Variants in GDAP1 observed in about 807,000 individuals in gnomAD.
GDAP1 encodes ganglioside-induced differentiation-associated protein 1.
GDAP1 carries 34 observed loss-of-function variants against 40.1 expected under a neutral mutation model. That is an observed-to-expected ratio of 0.85 (90% CI 0.64 to 1.13). The LOEUF (loss-of-function observed/expected upper bound fraction) is 1.13. GDAP1 is among the 50% of genes most tolerant of loss of function. The pLI is 0.00. For missense variants in GDAP1, 374 were observed against 433.7 expected (o/e 0.86, Z 1.22); for synonymous variants, 170 against 157.4 (o/e 1.08, Z -0.60).
In GDAP1 at chr8:74,441,964, T is replaced by A. The variant is rs184767716; in HGVS notation, c.166-46714T>A. 4.8e-3 allele frequency among the ~76,000 whole-genome samples: 727 copies of A among 152,300 alleles called. 4 individuals carry two copies. Among genetic ancestry groups the A allele is most frequent in the African/African-American group, 0.017 (694 of 41,574 alleles). On this transcript the variant is annotated intron_variant, in intron 2 of 2. Coordinates refer to the GDAP1 transcript ENST00000523640. ...TGATTTATCAGACTGAAATATGAAG[T>A]GGTAAAAGTATACTTCTCTATTAAA...
intron 5 of GDAP1, among the ~76,000 whole-genome samples, chr8:74,363,306 A>G (rs994109377): frequency 6.6e-5 from 10 of 152,216 alleles, no homozygotes; most frequent in Non-Finnish European, 1.2e-4. Context: ...CCTGTTTTAC[A>G]AATTTGTAAT....
Position 74,365,478 on chromosome 8 carries a change from A to G in GDAP1, c.*1111A>G, listed in dbSNP as rs778769003. 1.8e-5 allele frequency: 8 copies of G among 453,940 alleles called. No homozygotes were observed. The highest frequency in any genetic ancestry group is 6.0e-5 in the African/African-American group (3 of 49,976). The allele number at this position is 453,940 out of a possible 1,614,324, so 28.1% of individuals were successfully genotyped here. ...TCCCATGAATAACCTTGGAACTGCA[A>G]CAAATGGTTTGTGCTCAGAAAAAGT... On this transcript the variant is annotated 3_prime_UTR_variant, in exon 6 of 6. Coordinates refer to ENST00000220822, the MANE Select transcript of GDAP1 (RefSeq NM_018972.4).
At chr8:74,354,065 C>A (rs1441089756) in intron 2 of GDAP1, among the ~76,000 whole-genome samples, 2 of 152,080 alleles carry the variant, frequency 1.3e-5, no homozygotes, top group African/African-American at 2.4e-5. Context: ...AATAAAGGAG[C>A]AAATATAGCT....
chr8:74,374,785 T>C (rs552638449), intron 2 of GDAP1, among the ~76,000 whole-genome samples: 62 of 152,074 alleles, frequency 4.1e-4, no homozygotes, highest in Non-Finnish European at 7.6e-4. Flanking sequence ...TTCTCAAAAG[T>C]GACCCAATAA....
intron 3 of GDAP1, among the ~76,000 whole-genome samples, chr8:74,360,639 C>T (rs1424732249): frequency 6.6e-6 from 1 of 152,128 alleles, no homozygotes; most frequent in Non-Finnish European, 1.5e-5. Flanking sequence ...AATCTGAAAA[C>T]CTGGGATCTG....
intron 2 of GDAP1, among the ~76,000 whole-genome samples, chr8:74,384,234 G>A (rs1448860677): frequency 2.0e-5 from 3 of 151,778 alleles, no homozygotes; most frequent in Non-Finnish European, 2.9e-5. Flanking sequence ...GTAGCTCCTG[G>A]TAATTCACTT....
chr8:74,365,265 A>G lies in GDAP1; in HGVS notation c.*898A>G, dbSNP rs886063109. 3 of 454,126 alleles carry G rather than the reference A, an allele frequency of 6.6e-6. No individual in the cohort carries two copies. Among genetic ancestry groups the G allele is most frequent in the South Asian group, 3.1e-5 (2 of 64,468 alleles). The allele number at this position is 454,126 out of a possible 1,614,324, so 28.1% of individuals were successfully genotyped here. ...TCTGTAAACACAAAAATTGTTGTCC[A>G]GATCTTTCATCTGTTTATGATCATC... On this transcript the variant is annotated 3_prime_UTR_variant, in exon 6 of 6. Transcript: ENST00000220822.
rs1183129738 is a variant in GDAP1 at position 74,366,692 on chromosome 8, G to A, written c.*2325G>A. ...AAATACTATTGTTATTGCAGCAGAT[G>A]CCTTTTGAATCCATTTTCCATAATT... On this transcript the variant is annotated 3_prime_UTR_variant, in exon 6 of 6. Coordinates refer to ENST00000220822, the MANE Select transcript of GDAP1 (RefSeq NM_018972.4). 4 of 452,608 alleles carry A rather than the reference G, an allele frequency of 8.8e-6. No individual in the cohort carries two copies. Among genetic ancestry groups the A allele is most frequent in the Non-Finnish European group, 1.8e-5 (4 of 226,136 alleles). 28.0% of individuals were successfully genotyped at this position (452,608 alleles called of 1,614,324 possible). A position where few individuals can be genotyped will look rare whatever the true frequency, so the allele number is the denominator to read the frequency against.
chr8:74,409,644 C>G (rs2131553214), intron 2 of GDAP1, among the ~76,000 whole-genome samples: 1 of 150,166 alleles, frequency 6.7e-6, no homozygotes, highest in East Asian at 1.9e-4. Context: ...TGAGCCACCG[C>G]ACCTGACCCT....
chr8:74,372,973 CT>C (rs1486946886), intron 2 of GDAP1, among the ~76,000 whole-genome samples: 1 of 152,192 alleles, frequency 6.6e-6, no homozygotes, highest in Non-Finnish European at 1.5e-5. Flanking sequence ...CCAGTTTCAG[CT>C]TTCTACATAT....
chr8:74,350,642 C>G lies in GDAP1; in HGVS notation c.117+64C>G, dbSNP rs953393830. ...GGCTTCAGCACTGGGACAGCTCCTT[C>G]TGAGTCCCGCCCAGGGAAGCCGGTC... On this transcript the variant is annotated intron_variant, in intron 1 of 5. Transcript: ENST00000220822. The G allele has an allele frequency of 8.8e-6, 9 of 1,018,706 alleles. No homozygotes were observed. In the African/African-American group the frequency reaches 1.1e-4, roughly 12 times the overall value. 63.1% of individuals were successfully genotyped at this position (1,018,706 alleles called of 1,614,324 possible).
chr8:74,375,307 A>G (rs1450752039), intron 2 of GDAP1, among the ~76,000 whole-genome samples: 2 of 147,854 alleles, frequency 1.4e-5, no homozygotes, highest in Non-Finnish European at 3.0e-5. Flanking sequence ...AGCCTGGGCC[A>G]TGGAGCGAGA....
chr8:74,366,322 T>C lies in GDAP1; in HGVS notation c.*1955T>C, dbSNP rs1563447511. The C allele has an allele frequency of 1.1e-5, 5 of 454,520 alleles. No individual in the cohort carries two copies. The highest frequency in any genetic ancestry group is 1.8e-5 in the Non-Finnish European group (4 of 226,772). The allele number at this position is 454,520 out of a possible 1,614,324, so 28.2% of individuals were successfully genotyped here. On this transcript the variant is annotated 3_prime_UTR_variant, in exon 6 of 6. Coordinates refer to ENST00000220822, the MANE Select transcript of GDAP1 (RefSeq NM_018972.4). ...TATCCAGTAGACTAAGATTGAGTGT[T>C]CTTTTTGTTCAGCAACTCTTCTAAA...
intron 3 of GDAP1, among the ~76,000 whole-genome samples, chr8:74,361,583 G>A (rs1041419270): frequency 6.6e-6 from 1 of 152,120 alleles, no homozygotes; most frequent in African/African-American, 2.4e-5. Flanking sequence ...TTTTAGTAGA[G>A]ACGGGGTTTC....
chr8:74,457,368 A>G (rs755296257), intron 2 of GDAP1, among the ~76,000 whole-genome samples: 2 of 152,078 alleles, frequency 1.3e-5, no homozygotes, highest in African/African-American at 4.8e-5. Flanking sequence ...TGCTACTTAG[A>G]TATAGAATCC....
At position 74,406,747 on chromosome 8, in the gene GDAP1, T is replaced by G. The variant is rs1805646804; in HGVS notation, c.165+55426T>G. ...TAATAATTCAGCACCACTTCATTCT[T>G]TACATCTACCATGGATTTCCATAGT... On this transcript the variant is annotated intron_variant, in intron 2 of 2. Coordinates refer to the GDAP1 transcript ENST00000523640. 1.3e-5 allele frequency among the ~76,000 whole-genome samples: 2 copies of G among 150,100 alleles called. 1 individual carries two copies. Among genetic ancestry groups the G allele is most frequent in the African/African-American group, 5.1e-5 (2 of 39,408 alleles).
intron 2 of GDAP1, among the ~76,000 whole-genome samples, chr8:74,424,935 C>T (rs548771363): frequency 6.6e-6 from 1 of 152,254 alleles, no homozygotes; most frequent in South Asian, 2.1e-4. Context: ...TTAAACTTCC[C>T]TCTTATATTG....
chr8:74,403,662 G>T (rs1805596956), intron 2 of GDAP1, among the ~76,000 whole-genome samples: 1 of 150,248 alleles, frequency 6.7e-6, no homozygotes. Flanking sequence ...AGACATTTGG[G>T]CAGATTTCTG....
rs1478162223 is a variant in GDAP1, at chr8:74,383,446, A to G, written c.165+32125A>G. Among the ~76,000 whole-genome samples, 3 of 152,334 alleles carry G rather than the reference A, an allele frequency of 2.0e-5. No homozygotes were observed. In the East Asian group the frequency reaches 5.8e-4, roughly 29 times the overall value. On this transcript the variant is annotated intron_variant, in intron 2 of 2. Transcript: ENST00000523640. ...TCTAGAAATCCCATTTCTTCTCTTGAGAGAGAAGGACCTGGCTGCATTTTG... is the reference window on the plus strand; with the variant it reads ...TCTAGAAATCCCATTTCTTCTCTTGGGAGAGAAGGACCTGGCTGCATTTTG...
Sources: gnomAD v4.1 joint callset for allele counts (sites outside exome capture counted in the v4.1 genomes callset) on GRCh38, gnomAD v4.1.1 for gene constraint, MANE v1.5 for transcripts, NCBI Gene and HGNC (gene_info 2026-07-23, HGNC 2026-07-21) for gene names.